The following BUB1 variants were observed in gnomAD, a reference collection of about 807,000 sequenced individuals.
BUB1 encodes the protein BUB1 mitotic checkpoint serine/threonine kinase, also known as mitotic checkpoint serine/threonine-protein kinase BUB1.
A neutral mutation model predicts 135.2 loss-of-function variants in BUB1; 84 were observed. That is an observed-to-expected ratio of 0.62 (90% CI 0.52 to 0.74). The LOEUF (loss-of-function observed/expected upper bound fraction) is 0.74. BUB1 is among the 30% of genes least tolerant of loss of function. BUB1 has a pLI of 0.00. For synonymous variants in BUB1, 403 were observed against 434.4 expected (o/e 0.93, Z 0.90); for missense variants, 1,162 against 1,288.3 (o/e 0.90, Z 1.50).
At chr2:110,664,702 T>A (rs1444983822) in intron 9 of BUB1, among the ~76,000 whole-genome samples, 1 of 151,662 alleles carries the variant, frequency 6.6e-6, no homozygotes, top group Non-Finnish European at 1.5e-5. Context: ...GAACAATTTA[T>A]TAACAATTTC....
intron 19 of BUB1, among the ~76,000 whole-genome samples, chr2:110,645,041 A>T (rs932171913): frequency 3.3e-5 from 5 of 151,976 alleles, no homozygotes; most frequent in African/African-American, 1.2e-4. Flanking sequence ...AAACAAATAT[A>T]GTGACAATCC....
chr2:110,656,447 G>A (rs534343359), intron 15 of BUB1, among the ~76,000 whole-genome samples: 11 of 152,140 alleles, frequency 7.2e-5, no homozygotes, highest in African/African-American at 2.6e-4. Flanking sequence ...TTTTTGTACT[G>A]ACACTTTTGA....
At position 110,657,026 on chromosome 2, in the gene BUB1, G is replaced by C; in HGVS notation, c.1698+10C>G. 6.2e-7 allele frequency: 1 copy of C among 1,608,378 alleles called. No homozygotes were observed. The highest frequency in any genetic ancestry group is 2.2e-5 in the East Asian group (1 of 44,766). On this transcript the variant is annotated intron_variant, in intron 15 of 24. Coordinates refer to ENST00000302759, the MANE Select transcript of BUB1 (RefSeq NM_004336.5). ...AGGACCCATTTCATAGATAAAACAG[G>C]TTTGTTTACCTTTGGTTTTGAAGGA...
intron 10 of BUB1, chr2:110,661,238 G>A: frequency 4.3e-6 from 1 of 233,402 alleles, no homozygotes; most frequent in South Asian, 7.4e-5. Context: ...TGTCTAGACA[G>A]TTATGATCCC....
In BUB1 at chr2:110,658,440, T is replaced by G; in HGVS notation, c.1486A>C (p.Asn496His). The G allele has an allele frequency of 6.2e-7, 1 of 1,613,904 alleles. No individual in the cohort carries two copies. Among genetic ancestry groups the G allele is most frequent in the African/African-American group, 1.3e-5 (1 of 75,030 alleles). The part of the protein sequence containing the change: ...DKDEWQSLDQ[N>H]EDAFEAQFQK... ...AACTGGGCTTCAAATGCATCTTCATTTTGATCTAGAGATTGCCATTCATCT... is the reference window on the plus strand; with the variant it reads ...AACTGGGCTTCAAATGCATCTTCATGTTGATCTAGAGATTGCCATTCATCT... Residue 496 changes from asparagine to histidine, a missense_variant, in exon 13 of 25, where the codon AAT (asparagine) becomes CAT (histidine). By Grantham distance (68) the Asn-to-His change is moderately conservative. Transcript: ENST00000302759.
chr2:110,653,667 G>A (rs1689843957), intron 16 of BUB1, 144 bp from the exon 17 acceptor site: 1 of 703,356 alleles, frequency 1.4e-6, no homozygotes, highest in African/African-American at 1.8e-5. Context: ...ATTGTAAAAT[G>A]TATAATAAGA....
intron 9 of BUB1, among the ~76,000 whole-genome samples, chr2:110,664,231 C>T (rs984264468): frequency 1.3e-5 from 2 of 151,924 alleles, no homozygotes; most frequent in Non-Finnish European, 2.9e-5. Context: ...CCCAGAATTG[C>T]AAAACTAGAA....
At chr2:110,667,739 T>C (rs1205140224) in intron 7 of BUB1, 34 bp from the exon 8 acceptor site, 1 of 1,610,152 alleles carries the variant, frequency 6.2e-7, no homozygotes. Context: ...TTTACAACAA[T>C]GTACCTAAGA....
chr2:110,665,414 T>C (rs949874256), intron 9 of BUB1, among the ~76,000 whole-genome samples: 8 of 151,818 alleles, frequency 5.3e-5, no homozygotes, highest in African/African-American at 1.9e-4. Flanking sequence ...CCCATCTCTA[T>C]AAAAATAAAA....
At chr2:110,640,053 T>G in intron 23 of BUB1, 1 of 649,140 alleles carries the variant, frequency 1.5e-6, no homozygotes. Context: ...CTTGAAAAGC[T>G]CTGCCCTCCT....
intron 9 of BUB1, chr2:110,665,938 A>G (rs1690239162): frequency 5.1e-6 from 1 of 197,456 alleles, no homozygotes; most frequent in Non-Finnish European, 1.0e-5. Context: ...ATATATCTAA[A>G]TGATAAATTA....
At chr2:110,653,798 G>A (rs570570163) in intron 16 of BUB1, among the ~76,000 whole-genome samples, 3 of 152,272 alleles carry the variant, frequency 2.0e-5, no homozygotes, top group South Asian at 4.1e-4. Flanking sequence ...GAGGCCAGTA[G>A]TTTGAGGCAA....
chr2:110,641,422 G>A lies in BUB1; in HGVS notation c.2668C>T (p.Pro890Ser). The A allele has an allele frequency of 6.2e-7, 1 of 1,613,800 alleles. No individual in the cohort carries two copies. The highest frequency in any genetic ancestry group is 1.7e-5 in the Admixed American group (1 of 59,958). The change falls in exon 22 of 25, where the codon CCT becomes TCT. Residue 890 changes from proline (P) to serine (S), a missense_variant. Physicochemically the swap from Pro to Ser is moderately conservative, Grantham distance 74. Transcript: ENST00000302759. ...LYKNTPEKVM[P>S]QGLVISFAMR... ...GCAAAAGAGATGACAAGACCTTGAGGCATCACTTTTTCAGGGGTATTTTTA... is the reference window on the plus strand; with the variant it reads ...GCAAAAGAGATGACAAGACCTTGAGACATCACTTTTTCAGGGGTATTTTTA...
intron 1 of BUB1, among the ~76,000 whole-genome samples, chr2:110,677,540 C>T (rs2104566869): frequency 6.6e-6 from 1 of 151,970 alleles, no homozygotes; most frequent in Non-Finnish European, 1.5e-5. Flanking sequence ...TAAAAAATAG[C>T]AGTGAGATTA....
intron 19 of BUB1, among the ~76,000 whole-genome samples, chr2:110,643,107 C>T (rs1360347649): frequency 6.6e-6 from 1 of 152,218 alleles, no homozygotes; most frequent in African/African-American, 2.4e-5. Context: ...GGAGTCATCA[C>T]TCCACCCTCA....
chr2:110,658,062 T>C (rs1374876049), intron 13 of BUB1, among the ~76,000 whole-genome samples: 1 of 152,198 alleles, frequency 6.6e-6, no homozygotes, highest in Non-Finnish European at 1.5e-5. Context: ...ATGAATCCCC[T>C]GACTCTAGAC....
rs773696155 is a variant in BUB1 at position 110,674,340 on chromosome 2, A to T, written c.52T>A (p.Tyr18Asn). ...LQMLEAHMQS[Y>N]KGNDPLGEWE... Reference sequence around the variant, plus strand: ...TCACCAAGAGGGTCATTGCCCTTGTAGCTCTGCATGTGGGCTTCAAGCATC... The same window carrying T: ...TCACCAAGAGGGTCATTGCCCTTGTTGCTCTGCATGTGGGCTTCAAGCATC... The change falls in exon 2 of 25, where the codon TAC (tyrosine) becomes AAC (asparagine). Residue 18 changes from tyrosine to asparagine, a missense_variant. Transcript: ENST00000302759. 1 of 1,613,970 alleles carries T rather than the reference A, an allele frequency of 6.2e-7. No individual in the cohort carries two copies. The highest frequency in any genetic ancestry group is 8.5e-7 in the Non-Finnish European group (1 of 1,180,012).
Position 110,653,443 on chromosome 2 carries a change from T to C in BUB1, c.1957A>G (p.Lys653Glu), listed in dbSNP as rs1300417404. 1.9e-6 allele frequency: 3 copies of C among 1,613,666 alleles called. No homozygotes were observed. The highest frequency in any genetic ancestry group is 2.5e-6 in the Non-Finnish European group (3 of 1,179,702). ...ENMVVPSRDG[K>E]FSPIQEKSPK... is the part of the protein sequence containing the mutation. ...AATAAACCCTCACAATACCTGAATT[T>C]TCCATCCCTTGAAGGCACCACCATG... The change falls in exon 17 of 25, where the codon AAA (lysine) becomes GAA (glutamate). Residue 653 changes from lysine to glutamate, a missense_variant. Lys to Glu is a moderately conservative substitution (Grantham distance 56). Coordinates refer to ENST00000302759, the MANE Select transcript of BUB1 (RefSeq NM_004336.5).
intron 16 of BUB1, among the ~76,000 whole-genome samples, chr2:110,655,251 C>T (rs1308243045): frequency 6.6e-6 from 1 of 152,156 alleles, no homozygotes; most frequent in East Asian, 1.9e-4. Context: ...ATAAGACTTT[C>T]TGACTATCGT....
Sources: gnomAD v4.1 joint callset for allele counts (sites outside exome capture counted in the v4.1 genomes callset) on GRCh38, gnomAD v4.1.1 for gene constraint, MANE v1.5 for transcripts, NCBI Gene and HGNC (gene_info 2026-07-23, HGNC 2026-07-21) for gene names.